The following ERBB4 variants were observed in gnomAD, a reference collection of about 807,000 sequenced individuals.
ERBB4 encodes the protein erb-b2 receptor tyrosine kinase 4.
A neutral mutation model predicts 158.0 loss-of-function variants in ERBB4; 42 were observed. The ratio of observed to expected loss-of-function variants is 0.27; its 90% CI spans 0.21 to 0.34. The LOEUF (loss-of-function observed/expected upper bound fraction) is 0.34, where lower values mean the gene tolerates loss of function less well. ERBB4 is among the 10% of genes least tolerant of loss of function. The pLI is 1.00. For missense variants in ERBB4, 1,333 were observed against 1,624.1 expected (o/e 0.82, Z 3.08); for synonymous variants, 583 against 558.7 (o/e 1.04, Z -0.61).
At chr2:212,439,237 G>A (rs2092201778) in intron 1 of ERBB4, among the ~76,000 whole-genome samples, 1 of 152,120 alleles carries the variant, frequency 6.6e-6, no homozygotes, top group African/African-American at 2.4e-5. Context: ...AGATTATTCT[G>A]CTAGTGGTTA....
At chr2:211,746,755 G>A (rs1349286012) in intron 5 of ERBB4, among the ~76,000 whole-genome samples, 2 of 151,356 alleles carry the variant, frequency 1.3e-5, no homozygotes, top group South Asian at 4.2e-4. Flanking sequence ...GCTTGAACCC[G>A]GGAGGCGGAG....
intron 3 of ERBB4, among the ~76,000 whole-genome samples, chr2:211,845,452 G>A (rs2077565981): frequency 6.6e-6 from 1 of 152,100 alleles, no homozygotes; most frequent in Non-Finnish European, 1.5e-5. Flanking sequence ...AAAAGTCTTT[G>A]TTTCTTCATT....
At chr2:211,681,476 C>A (rs13395292) in intron 12 of ERBB4, among the ~76,000 whole-genome samples, 3,608 of 152,220 alleles carry the variant, frequency 0.024, 70 homozygotes, top group Middle Eastern at 0.041. Flanking sequence ...TACATTCCTA[C>A]CATCAATGAA....
chr2:212,512,631 A>G (rs965926046), intron 1 of ERBB4, among the ~76,000 whole-genome samples: 1 of 152,198 alleles, frequency 6.6e-6, no homozygotes, highest in African/African-American at 2.4e-5. Flanking sequence ...AGTTTTAAAA[A>G]GTATTTTACT....
chr2:212,525,267 T>C (rs1575081877), intron 1 of ERBB4, among the ~76,000 whole-genome samples: 1 of 152,130 alleles, frequency 6.6e-6, no homozygotes, highest in African/African-American at 2.4e-5. Flanking sequence ...ACATTTCACC[T>C]TGACTGGTTA....
At chr2:211,469,618 T>C (rs1025577712) in intron 20 of ERBB4, among the ~76,000 whole-genome samples, 2 of 152,172 alleles carry the variant, frequency 1.3e-5, no homozygotes, top group Admixed American at 6.6e-5. Context: ...GGTTAAGAAC[T>C]GAAGTCTTTT....
In ERBB4 at chr2:211,511,926, A is replaced by C. The variant is rs1166549961; in HGVS notation, c.2487+49977T>G. Among the ~76,000 whole-genome samples the C allele has an allele frequency of 2.6e-5, 4 of 152,148 alleles. 1 individual carries two copies. The highest frequency in any genetic ancestry group is 2.6e-4 in the Admixed American group (4 of 15,288). On this transcript the variant is annotated intron_variant, in intron 20 of 27. Transcript: ENST00000342788. ...AACACAAGACTTACATGGAACAATA[A>C]GGTCTAAATTCCCATGCTTCTGAAA...
At chr2:211,879,343 A>G (rs928535324) in intron 3 of ERBB4, among the ~76,000 whole-genome samples, 14 of 152,224 alleles carry the variant, frequency 9.2e-5, no homozygotes, top group African/African-American at 3.4e-4. Flanking sequence ...ACCATATAGA[A>G]TAACAGGCAA....
chr2:212,177,465 T>C (rs142562428), intron 1 of ERBB4, among the ~76,000 whole-genome samples: 1 of 152,056 alleles, frequency 6.6e-6, no homozygotes, highest in Non-Finnish European at 1.5e-5. Context: ...ACTTTCAAAG[T>C]ATATAGCAGC....
At chr2:212,241,697 T>TA (rs2084112522) in intron 1 of ERBB4, among the ~76,000 whole-genome samples, 1 of 152,196 alleles carries the variant, frequency 6.6e-6, no homozygotes, top group South Asian at 2.1e-4. Flanking sequence ...TTATTTGACA[T>TA]ACTGTCTAAA....
intron 1 of ERBB4, among the ~76,000 whole-genome samples, chr2:212,256,361 T>C (rs2084739878): frequency 6.6e-6 from 1 of 152,162 alleles, no homozygotes; most frequent in Non-Finnish European, 1.5e-5. Flanking sequence ...ATCATCGTCA[T>C]CATTTTATTA....
At chr2:211,461,089 A>C (rs2064518473) in intron 20 of ERBB4, among the ~76,000 whole-genome samples, 1 of 152,044 alleles carries the variant, frequency 6.6e-6, no homozygotes, top group Admixed American at 6.6e-5. Flanking sequence ...TTGGGGGAAA[A>C]AAAAAAAATC....
At chr2:211,564,915 T>C (rs1433749054) in intron 19 of ERBB4, among the ~76,000 whole-genome samples, 1 of 152,190 alleles carries the variant, frequency 6.6e-6, no homozygotes, top group African/African-American at 2.4e-5. Context: ...TTTATTTTTC[T>C]AGTGGGAGTT....
At chr2:211,999,633 C>T (rs1236338808) in intron 2 of ERBB4, among the ~76,000 whole-genome samples, 1 of 151,784 alleles carries the variant, frequency 6.6e-6, no homozygotes, top group Non-Finnish European at 1.5e-5. Context: ...CAAAAGTTCT[C>T]AGTGTTTACT....
At chr2:212,009,206 T>C (rs2076327845) in intron 2 of ERBB4, among the ~76,000 whole-genome samples, 2 of 152,058 alleles carry the variant, frequency 1.3e-5, no homozygotes, top group African/African-American at 4.8e-5. Flanking sequence ...TGATCTTCTT[T>C]GGAAAAAGGA....
chr2:211,700,355 A>G (rs952966336), intron 12 of ERBB4, among the ~76,000 whole-genome samples: 2 of 152,194 alleles, frequency 1.3e-5, no homozygotes, highest in East Asian at 3.8e-4. Context: ...AATGAATATC[A>G]TTCAATATAA....
chr2:211,415,775 A>G (rs1438403486), intron 25 of ERBB4, among the ~76,000 whole-genome samples: 2 of 152,228 alleles, frequency 1.3e-5, no homozygotes, highest in Non-Finnish European at 2.9e-5. Context: ...CAAATTTTTG[A>G]GATACCAAAC....
chr2:211,453,521 A>T (rs1363612533), intron 20 of ERBB4, among the ~76,000 whole-genome samples: 1 of 152,206 alleles, frequency 6.6e-6, no homozygotes, highest in Admixed American at 6.5e-5. Flanking sequence ...AAGGAAAATG[A>T]AACAGCACAT....
intron 2 of ERBB4, among the ~76,000 whole-genome samples, chr2:212,026,586 A>C (rs1285655589): frequency 6.6e-6 from 1 of 151,902 alleles, no homozygotes. Context: ...AAAACTTTCT[A>C]GTTGGTAAAT....
Sources: allele counts gnomAD v4.1 joint callset (sites outside exome capture counted in the v4.1 genomes callset), GRCh38; gene constraint gnomAD v4.1.1; transcripts MANE v1.5; gene names NCBI Gene and HGNC (gene_info 2026-07-23, HGNC 2026-07-21).